SLC23A2: variants seen among roughly 807,000 people sequenced by gnomAD.
SLC23A2 encodes the protein Na(+)/L-ascorbic acid transporter 2.
SLC23A2 carries 36 observed loss-of-function variants against 73.3 expected under a neutral mutation model. That is an observed-to-expected ratio of 0.49 (90% CI 0.38 to 0.65). The LOEUF is 0.65. Ranked by LOEUF, SLC23A2 falls within the 30% of genes least tolerant of loss-of-function variation. SLC23A2 has a pLI of 0.00. For missense variants in SLC23A2, 507 were observed against 841.6 expected, an observed-to-expected ratio of 0.60 and a Z score of 4.92; for synonymous variants, 343 against 327.3, an observed-to-expected ratio of 1.05 and a Z score of -0.52.
chr20:4,859,195 A>T, intron 16 of SLC23A2, 94 bp downstream of exon 16: 1 of 769,434 alleles, frequency 1.3e-6, no homozygotes, highest in South Asian at 1.5e-5. Flanking sequence ...GAACTCATTT[A>T]CTCTTCCCGT....
chr20:4,975,778 T>TG (rs2087635567), intron 1 of SLC23A2, among the ~76,000 whole-genome samples: 2 of 151,994 alleles, frequency 1.3e-5, no homozygotes, highest in Non-Finnish European at 2.9e-5. Context: ...AGTTCTTTTA[T>TG]GAACTGTAAG....
rs1931684644 is a variant in SLC23A2 at position 4,899,918 on chromosome 20, C to A, written c.325-206G>T. On this transcript the variant is annotated intron_variant, in intron 5 of 16. Coordinates refer to ENST00000338244, the MANE Select transcript of SLC23A2 (RefSeq NM_005116.6). This position sits in a 1 kb window ranked among gnomAD's most constrained non-coding sequence, Gnocchi z 4.9. The stretch of plus-strand genomic sequence containing the variant: ...ACAGTTTCACTCCCATTGCCCTCGA[C>A]GGAGTGCAATGGTGCGATCTTGGCT... Among the ~76,000 whole-genome samples the A allele has an allele frequency of 6.6e-6, 1 of 152,172 alleles. No homozygotes were observed. Among genetic ancestry groups the A allele is most frequent in the African/African-American group, 2.4e-5 (1 of 41,444 alleles).
intron 3 of SLC23A2, among the ~76,000 whole-genome samples, chr20:4,926,801 GTGTTT>G (rs1354150398): frequency 2.6e-5 from 4 of 151,864 alleles, no homozygotes; most frequent in South Asian, 2.1e-4. Flanking sequence ...GTTTGTGTGG[GTGTTT>G]TGTTTTATTT....
At chr20:4,977,084 T>G (rs1427825980) in intron 1 of SLC23A2, among the ~76,000 whole-genome samples, 1 of 152,198 alleles carries the variant, frequency 6.6e-6, no homozygotes, top group African/African-American at 2.4e-5. Context: ...GAATCCACTA[T>G]GTAAAGACTG....
chr20:4,875,885 T>C (rs2122808327), intron 9 of SLC23A2, among the ~76,000 whole-genome samples: 1 of 152,262 alleles, frequency 6.6e-6, no homozygotes, highest in East Asian at 1.9e-4. Flanking sequence ...ATTGTTGAGA[T>C]GGAATCATTA....
chr20:4,979,198 C>T (rs893513637), intron 1 of SLC23A2, among the ~76,000 whole-genome samples: 3 of 151,886 alleles, frequency 2.0e-5, no homozygotes, highest in African/African-American at 7.3e-5. Flanking sequence ...AAGGCTGAGG[C>T]AGGAGAATCG....
intron 10 of SLC23A2, 127 bp from the exon 11 acceptor site, chr20:4,874,219 C>T: frequency 4.3e-6 from 3 of 697,936 alleles, no homozygotes; most frequent in Non-Finnish European, 4.6e-6. Flanking sequence ...GCAGACCTTC[C>T]TTGAATGGAC....
At chr20:4,995,864 G>C (rs2088011339) in intron 1 of SLC23A2, among the ~76,000 whole-genome samples, 1 of 152,168 alleles carries the variant, frequency 6.6e-6, no homozygotes, top group Admixed American at 6.5e-5. Flanking sequence ...ACACAGGAGT[G>C]CTGGGCAGAG....
rs565724646 is a variant in SLC23A2, at chr20:4,998,480, A to G, written c.-282+2926T>C. Among the ~76,000 whole-genome samples, 1 of 152,272 alleles carries G rather than the reference A, an allele frequency of 6.6e-6. No homozygotes were observed. The highest frequency in any genetic ancestry group is 2.1e-4 in the South Asian group (1 of 4,814). ...AATGAGAAGAACGGCATAGCGCACA[A>G]AGGGCTCGTTTCAACCTAGAGGCTG... On this transcript the variant is annotated intron_variant, in intron 1 of 16. Coordinates refer to ENST00000338244, the MANE Select transcript of SLC23A2 (RefSeq NM_005116.6). The surrounding 1 kb of genome is among the most constrained non-coding windows in gnomAD (Gnocchi z 4.1).
intron 1 of SLC23A2, among the ~76,000 whole-genome samples, chr20:4,997,923 G>A (rs942824943): frequency 6.6e-6 from 1 of 152,050 alleles, no homozygotes; most frequent in Non-Finnish European, 1.5e-5. Flanking sequence ...TGCTTGAACA[G>A]AAAGATAAAT....
chr20:5,005,647 G>C (rs182378918), upstream of SLC23A2, among the ~76,000 whole-genome samples: 39 of 152,252 alleles, frequency 2.6e-4, no homozygotes, highest in East Asian at 6.9e-3. Flanking sequence ...TTTAGGTTTT[G>C]TGGGCCAAGA....
intron 16 of SLC23A2, among the ~76,000 whole-genome samples, chr20:4,858,260 T>C (rs1479911512): frequency 2.0e-5 from 3 of 152,206 alleles, no homozygotes. Context: ...CCCTGACAGA[T>C]GGGTCAGGGA....
intron 6 of SLC23A2, among the ~76,000 whole-genome samples, chr20:4,895,852 C>G (rs1931498562): frequency 1.3e-5 from 2 of 152,138 alleles, no homozygotes; most frequent in Admixed American, 1.3e-4. Context: ...CCAGAGGGGG[C>G]CTCACCCTAC....
rs1386869576 is a variant in SLC23A2, at chr20:4,857,325, CACACACACACAT to C, written c.1721-133_1721-122del. 556 of 578,152 alleles carry C rather than the reference CACACACACACAT, an allele frequency of 9.6e-4. 1 individual carries two copies. Among genetic ancestry groups the C allele is most frequent in the African/African-American group, 4.7e-3 (195 of 41,122 alleles). 35.8% of individuals were successfully genotyped at this position (578,152 alleles called of 1,614,324 possible). On this transcript the variant is annotated intron_variant, in intron 16 of 16. Coordinates refer to ENST00000338244, the MANE Select transcript of SLC23A2 (RefSeq NM_005116.6). This position sits in a 1 kb window ranked among gnomAD's most constrained non-coding sequence, Gnocchi z 4.0. ...ACACACACACACACACACACACACA[CACACACACACAT>C]GGTCCCACAGATCAAACCTGCCTAG...
intron 1 of SLC23A2, among the ~76,000 whole-genome samples, chr20:4,984,105 A>C (rs1158286159): frequency 1.3e-5 from 2 of 152,192 alleles, no homozygotes; most frequent in East Asian, 3.8e-4. Flanking sequence ...AAGTAACCTA[A>C]TTAAATGGGC....
At chr20:5,003,691 T>C (rs1157310477), upstream of SLC23A2, among the ~76,000 whole-genome samples, 1 of 151,934 alleles carries the variant, frequency 6.6e-6, no homozygotes, top group Non-Finnish European at 1.5e-5. Flanking sequence ...TCTAGGCATT[T>C]ACCATTTTTC....
chr20:4,956,008 GTA>G (rs1568641363), intron 2 of SLC23A2, among the ~76,000 whole-genome samples: 1 of 152,066 alleles, frequency 6.6e-6, no homozygotes, highest in Non-Finnish European at 1.5e-5. Context: ...TTCTTAGTAT[GTA>G]TGTATGGTTA....
At chr20:4,885,672 G>A in intron 7 of SLC23A2, 149 bp downstream of exon 7, 1 of 652,536 alleles carries the variant, frequency 1.5e-6, no homozygotes, top group Non-Finnish European at 2.8e-6. Context: ...ACGATCCACA[G>A]ATGGAGCATT....
intron 7 of SLC23A2, 142 bp downstream of exon 7, chr20:4,885,679 C>A: frequency 1.5e-6 from 1 of 659,198 alleles, no homozygotes; most frequent in Non-Finnish European, 2.8e-6. Context: ...ACAGATGGAG[C>A]ATTCTAAGCT....
Sources: gnomAD v4.1 joint callset for allele counts (sites outside exome capture counted in the v4.1 genomes callset) on GRCh38, gnomAD v4.1.1 for gene constraint, Gnocchi (gnomAD v3.1) non-coding constraint, MANE v1.5 for transcripts, NCBI Gene and HGNC (gene_info 2026-07-23, HGNC 2026-07-21) for gene names.